PLA2G7: variants seen among roughly 807,000 people sequenced by gnomAD.
PLA2G7 encodes the protein platelet-activating factor acetylhydrolase.
A neutral mutation model predicts 49.6 loss-of-function variants in PLA2G7; 63 were observed. That is an observed-to-expected ratio of 1.27 (90% CI 1.04 to 1.57). The LOEUF is 1.57. PLA2G7 is among the 40% of genes most tolerant of loss of function. The pLI is 0.00. For missense variants in PLA2G7, 596 were observed against 521.2 expected, an observed-to-expected ratio of 1.14 and a Z score of -1.40; for synonymous variants, 193 against 169.9, an observed-to-expected ratio of 1.14 and a Z score of -1.06.
At chr6:46,712,371 C>T (rs1765058512) in intron 5 of PLA2G7, 34 bp from the exon 6 acceptor site, 2 of 1,498,224 alleles carry the variant, frequency 1.3e-6, no homozygotes, top group East Asian at 2.3e-5. Flanking sequence ...ATTACAACTA[C>T]CAGTCATGAT....
At position 46,716,963 on chromosome 6, in the gene PLA2G7, T is replaced by C. The variant is rs1436459078; in HGVS notation, c.231+12A>G. 6.2e-7 allele frequency: 1 copy of C among 1,612,206 alleles called. No individual in the cohort carries two copies. Among genetic ancestry groups the C allele is most frequent in the African/African-American group, 1.3e-5 (1 of 74,878 alleles). On this transcript the variant is annotated intron_variant, in intron 3 of 11. Transcript: ENST00000274793. ...AGAGTATCAGGATAAGTTGTATAAA[T>C]CAAAGCATTACCTTATTAGTGTGAT...
chr6:46,716,310 A>C, intron 4 of PLA2G7, 74 bp downstream of exon 4: 2 of 1,483,818 alleles, frequency 1.3e-6, no homozygotes, highest in South Asian at 2.3e-5. Flanking sequence ...GGTCTTAACT[A>C]CTTGAAGTTC....
intron 11 of PLA2G7, 121 bp from the exon 12 acceptor site, chr6:46,704,817 A>G: frequency 1.4e-6 from 1 of 698,778 alleles, no homozygotes. Flanking sequence ...GGTAGAGACG[A>G]TGTGCTCTGT....
chr6:46,724,613 A>C (rs899123220), intron 1 of PLA2G7, among the ~76,000 whole-genome samples: 3 of 152,214 alleles, frequency 2.0e-5, no homozygotes. Flanking sequence ...AGAAACAAAA[A>C]TTTGAACAGA....
chr6:46,727,821 T>C (rs1433806071), intron 1 of PLA2G7, among the ~76,000 whole-genome samples: 1 of 152,124 alleles, frequency 6.6e-6, no homozygotes, highest in Non-Finnish European at 1.5e-5. Context: ...CTCTAGAATC[T>C]TGGAAAGGTA....
Position 46,709,323 on chromosome 6 carries a change from T to C in PLA2G7, c.869+4A>G. The C allele has an allele frequency of 6.6e-7, 1 of 1,504,934 alleles. No homozygotes were observed. Among genetic ancestry groups the C allele is most frequent in the Non-Finnish European group, 9.2e-7 (1 of 1,081,084 alleles). 93.2% of individuals were successfully genotyped at this position (1,504,934 alleles called of 1,614,324 possible). A position where few individuals can be genotyped will look rare whatever the true frequency, so the allele number is the denominator to read the frequency against. On this transcript the variant is annotated splice_donor_region_variant and intron_variant, in intron 9 of 11. Coordinates refer to ENST00000274793, the MANE Select transcript of PLA2G7 (RefSeq NM_005084.4). ...TCTCTTGCTTTACTATCTTATTTTC[T>C]TACCTGAATCTCTGATCTTCACTAA...
intron 5 of PLA2G7, among the ~76,000 whole-genome samples, chr6:46,713,496 C>A (rs1765100861): frequency 6.6e-6 from 1 of 152,172 alleles, no homozygotes; most frequent in African/African-American, 2.4e-5. Context: ...AGGCAGTGGG[C>A]TGGATTTGGC....
rs45488393 is a variant in PLA2G7, at chr6:46,726,304, G to A, written c.-34-3379C>T. Among the ~76,000 whole-genome samples the A allele has an allele frequency of 1.5e-3, 222 of 152,242 alleles. 1 individual carries two copies. The highest frequency in any genetic ancestry group is 5.0e-3 in the African/African-American group (206 of 41,564). Reference sequence around the variant, plus strand: ...AACCAAAGACTGTAGCAAGGGCAACGGGAGTTATGAGCCAGGAACCATATT... The same window carrying A: ...AACCAAAGACTGTAGCAAGGGCAACAGGAGTTATGAGCCAGGAACCATATT... On this transcript the variant is annotated intron_variant, in intron 1 of 11. Transcript: ENST00000274793.
At chr6:46,714,924 G>A (rs1765155559) in intron 4 of PLA2G7, among the ~76,000 whole-genome samples, 1 of 151,754 alleles carries the variant, frequency 6.6e-6, no homozygotes, top group Admixed American at 6.6e-5. Flanking sequence ...TAGTAGAGAT[G>A]GGGTTTCTCC....
At chr6:46,725,584 T>C (rs1333386830) in intron 1 of PLA2G7, among the ~76,000 whole-genome samples, 1 of 152,136 alleles carries the variant, frequency 6.6e-6, no homozygotes, top group Non-Finnish European at 1.5e-5. Context: ...AACATCTTTC[T>C]TTTGATCAGA....
chr6:46,705,291 G>T lies in PLA2G7; in HGVS notation c.1051C>A (p.His351Asn), dbSNP rs1231551413. The stretch of plus-strand genomic sequence containing the variant: ...AAAGTGAAGTCAGCAAAATTCTGGT[G>T]GACTGAACCCCTAAAAGAGAACAAG... ...RKMITIRGSVHQNFADFTFAT... is the reference protein window; with the variant it reads ...RKMITIRGSVNQNFADFTFAT... The change falls in exon 11 of 12, where the codon CAC (histidine) becomes AAC (asparagine). Residue 351 changes from histidine to asparagine, a missense_variant. His to Asn is a moderately conservative substitution (Grantham distance 68, BLOSUM62 1). Transcript: ENST00000274793. The T allele has an allele frequency of 6.2e-7, 1 of 1,611,354 alleles. No individual in the cohort carries two copies. Among genetic ancestry groups the T allele is most frequent in the African/African-American group, 1.3e-5 (1 of 74,810 alleles).
chr6:46,709,880 TGACA>T (rs1221245973), intron 8 of PLA2G7, among the ~76,000 whole-genome samples: 1 of 152,104 alleles, frequency 6.6e-6, no homozygotes, highest in Non-Finnish European at 1.5e-5. Context: ...GGAGCACACA[TGACA>T]GACAGCGAGC....
intron 9 of PLA2G7, among the ~76,000 whole-genome samples, 200 bp from the exon 10 acceptor site, chr6:46,708,361 A>G (rs1764901749): frequency 6.6e-6 from 1 of 152,204 alleles, no homozygotes; most frequent in African/African-American, 2.4e-5. Context: ...CTGGAATTTT[A>G]TATAATCATT....
In PLA2G7 at chr6:46,710,592, G is replaced by A; in HGVS notation, c.730C>T (p.Pro244Ser). Residue 244 changes from proline to serine, a missense_variant, in exon 8 of 12, where the codon CCA (proline) becomes TCA (serine). Pro to Ser is a moderately conservative substitution (Grantham distance 74). Transcript: ENST00000274793. ...SLILDIDHGK[P>S]VKNALDLKFD... ...TTTAAATCTAATGCATTCTTCACTGGCTTTCCATGATCAATGTCAAGAATC... is the reference window on the plus strand; with the variant it reads ...TTTAAATCTAATGCATTCTTCACTGACTTTCCATGATCAATGTCAAGAATC... The A allele has an allele frequency of 7.4e-6, 12 of 1,613,192 alleles. No homozygotes were observed. The highest frequency in any genetic ancestry group is 1.0e-5 in the Non-Finnish European group (12 of 1,179,244).
At chr6:46,734,692 G>T (rs1765861805) in intron 1 of PLA2G7, among the ~76,000 whole-genome samples, 1 of 151,808 alleles carries the variant, frequency 6.6e-6, no homozygotes, top group South Asian at 2.1e-4. Context: ...GCGTGATACG[G>T]CACGCCAGCA....
At position 46,708,156 on chromosome 6, in the gene PLA2G7, C is replaced by T; in HGVS notation, c.875G>A (p.Gly292Asp). Residue 292 changes from glycine (G) to aspartate (D), a missense_variant, in exon 10 of 12, where the codon GGT becomes GAT. Gly to Asp is a moderately conservative substitution (Grantham distance 94). Transcript: ENST00000274793. Reference protein sequence around the residue: ...TLSEDQRFRCGIALDAWMFPL... With the variant: ...TLSEDQRFRCDIALDAWMFPL... ...AAACATCCATGCATCCAGGGCAATA[C>T]CACATCTGTAGATATTTGTTGACAA... 6.2e-7 allele frequency: 1 copy of T among 1,609,408 alleles called. No individual in the cohort carries two copies. Among genetic ancestry groups the T allele is most frequent in the Admixed American group, 1.7e-5 (1 of 59,980 alleles).
chr6:46,712,326 G>T lies in PLA2G7; in HGVS notation c.482C>A (p.Ser161Tyr). 1 of 1,611,042 alleles carries T rather than the reference G, an allele frequency of 6.2e-7. No individual in the cohort carries two copies. The highest frequency in any genetic ancestry group is 1.1e-5 in the South Asian group (1 of 91,016). The change falls in exon 6 of 12, where the codon TCT becomes TAT. Residue 161 changes from serine to tyrosine, a missense_variant. Physicochemically the swap from Ser to Tyr is moderately radical, Grantham distance 144. Coordinates refer to ENST00000274793, the MANE Select transcript of PLA2G7 (RefSeq NM_005084.4). ...AGATGCCAGGTCAATGCCAATAGCA[G>T]AATAAAGTGTCCTTCAAAACAAAAA... ...HGLGAFRTLY[S>Y]AIGIDLASHG...
At chr6:46,713,204 C>A (rs190175072) in intron 5 of PLA2G7, among the ~76,000 whole-genome samples, 56 of 152,266 alleles carry the variant, frequency 3.7e-4, no homozygotes, top group African/African-American at 1.3e-3. Context: ...TTTCCTCATA[C>A]CATGCATTCA....
chr6:46,717,169 A>G (rs1204980057), intron 2 of PLA2G7, 73 bp from the exon 3 acceptor site: 44 of 1,371,162 alleles, frequency 3.2e-5, no homozygotes, highest in South Asian at 4.7e-5. Flanking sequence ...AAGAATTCCA[A>G]CGGAATCAAG....
Sources: gnomAD v4.1 joint callset for allele counts (sites outside exome capture counted in the v4.1 genomes callset) on GRCh38, gnomAD v4.1.1 for gene constraint, MANE v1.5 for transcripts, NCBI Gene and HGNC (gene_info 2026-07-23, HGNC 2026-07-21) for gene names.